TRPM8: variants seen among roughly 807,000 people sequenced by gnomAD.
TRPM8 encodes transient receptor potential cation channel subfamily M member 8.
A neutral mutation model predicts 133.7 loss-of-function variants in TRPM8; 110 were observed. The ratio of observed to expected loss-of-function variants is 0.82; its 90% CI spans 0.70 to 0.96. The LOEUF (loss-of-function observed/expected upper bound fraction) is 0.96. TRPM8 is among the 40% of genes least tolerant of loss of function. The probability of loss-of-function intolerance (pLI) is 0.00; values close to 1 mark genes in which losing one functional copy is unlikely to be tolerated. For synonymous variants in TRPM8, 535 were observed against 532.3 expected (o/e 1.01, Z -0.07); for missense variants, 1,291 against 1,379.5 (o/e 0.94, Z 1.02).
intron 24 of TRPM8, among the ~76,000 whole-genome samples, chr2:234,011,576 A>C (rs28901886): frequency 0.031 from 4,660 of 152,124 alleles, 235 homozygotes; most frequent in African/African-American, 0.11. Context: ...GGCAATATTC[A>C]TTTTTTCAAT....
At position 233,951,022 on chromosome 2, in the gene TRPM8, G is replaced by C. The variant is rs1191352041; in HGVS notation, c.1140+876G>C. 3.3e-5 allele frequency among the ~76,000 whole-genome samples: 5 copies of C among 151,144 alleles called. No individual in the cohort carries two copies. The South Asian group carries it at 6.3e-4, about 19-fold the overall frequency. ...TCAAGACCTGCCTGGACAATGTAGT[G>C]AGACCCCGTCCCTACAAACAAACAA... On this transcript the variant is annotated intron_variant, in intron 9 of 25. Coordinates refer to ENST00000324695, the MANE Select transcript of TRPM8 (RefSeq NM_024080.5).
At chr2:233,966,196 G>C (rs952433430) in intron 14 of TRPM8, 2 of 160,818 alleles carry the variant, frequency 1.2e-5, no homozygotes, top group African/African-American at 4.9e-5. Flanking sequence ...TGCCAAGAAG[G>C]CGTAGAGTTC....
chr2:233,919,067 A>T (rs560744088), intron 1 of TRPM8, among the ~76,000 whole-genome samples: 1 of 151,884 alleles, frequency 6.6e-6, no homozygotes, highest in East Asian at 1.9e-4. Flanking sequence ...TCAGAAAGAG[A>T]CTTAGAACTA....
chr2:233,953,383 A>G (rs1034235015), intron 9 of TRPM8, among the ~76,000 whole-genome samples: 1 of 152,204 alleles, frequency 6.6e-6, no homozygotes, highest in Non-Finnish European at 1.5e-5. Flanking sequence ...AGTGCTTGTA[A>G]CCTTGAAATT....
At chr2:233,954,279 T>G (rs1353093304) in intron 10 of TRPM8, among the ~76,000 whole-genome samples, 1 of 152,228 alleles carries the variant, frequency 6.6e-6, no homozygotes, top group Non-Finnish European at 1.5e-5. Context: ...CAAAGAGCTA[T>G]TTCTAACAGT....
chr2:233,992,650 G>A (rs1692307608), intron 21 of TRPM8, among the ~76,000 whole-genome samples: 1 of 152,178 alleles, frequency 6.6e-6, no homozygotes, highest in Non-Finnish European at 1.5e-5. Context: ...CAGCCAGCTA[G>A]GTGTTTGCCA....
intron 21 of TRPM8, among the ~76,000 whole-genome samples, chr2:233,994,308 T>G (rs1010126253): frequency 6.6e-6 from 1 of 152,218 alleles, no homozygotes; most frequent in African/African-American, 2.4e-5. Context: ...CAAAGCAGCC[T>G]GACCTACATT....
intron 2 of TRPM8, among the ~76,000 whole-genome samples, chr2:233,927,762 C>T (rs866705157): frequency 2.8e-5 from 2 of 71,384 alleles, no homozygotes; most frequent in Non-Finnish European, 4.4e-5. Context: ...TTCTTTCTTT[C>T]TTTCTTTCTT....
chr2:234,002,242 G>A (rs1019616545), intron 22 of TRPM8, among the ~76,000 whole-genome samples: 2 of 151,954 alleles, frequency 1.3e-5, no homozygotes, highest in Non-Finnish European at 2.9e-5. Context: ...GGAGGAGGGA[G>A]TTAAGAGAGG....
chr2:233,973,670 T>A (rs1421086473), intron 17 of TRPM8, among the ~76,000 whole-genome samples: 27 of 152,244 alleles, frequency 1.8e-4, no homozygotes, highest in Admixed American at 1.8e-3. Context: ...CAATTTAACC[T>A]GTAACACCTA....
intron 22 of TRPM8, among the ~76,000 whole-genome samples, chr2:234,002,788 T>A (rs1256283759): frequency 4.6e-5 from 7 of 152,194 alleles, no homozygotes; most frequent in Non-Finnish European, 8.8e-5. Context: ...GTGGTCCTTC[T>A]CTCTGCTTTT....
At chr2:233,918,891 C>T (rs779272255) in intron 1 of TRPM8, among the ~76,000 whole-genome samples, 4 of 152,180 alleles carry the variant, frequency 2.6e-5, no homozygotes, top group Admixed American at 2.6e-4. Flanking sequence ...AAGTGTTATA[C>T]TCACCATTTT....
chr2:233,978,393 C>G (rs1330081584), intron 17 of TRPM8, among the ~76,000 whole-genome samples: 2 of 152,122 alleles, frequency 1.3e-5, no homozygotes, highest in South Asian at 2.1e-4. Context: ...CACTGTATTA[C>G]ATCAAACCTG....
At chr2:233,978,660 T>C (rs923089084) in intron 17 of TRPM8, among the ~76,000 whole-genome samples, 2 of 152,242 alleles carry the variant, frequency 1.3e-5, no homozygotes, top group Non-Finnish European at 2.9e-5. Context: ...ATTCCTTGAA[T>C]GATGGACCAC....
chr2:234,005,498 A>G (rs558165171), intron 22 of TRPM8, among the ~76,000 whole-genome samples: 1 of 152,264 alleles, frequency 6.6e-6, no homozygotes, highest in African/African-American at 2.4e-5. Flanking sequence ...ATTTTGTTTG[A>G]AGAAAAGACA....
chr2:233,947,702 G>A, intron 8 of TRPM8: 2 of 906,640 alleles, frequency 2.2e-6, no homozygotes, highest in Non-Finnish European at 3.1e-6. Flanking sequence ...CAGCCAATCT[G>A]TATGGACTCA....
intron 1 of TRPM8, among the ~76,000 whole-genome samples, chr2:233,920,303 G>T (rs1043943728): frequency 1.3e-5 from 2 of 152,104 alleles, no homozygotes; most frequent in Non-Finnish European, 2.9e-5. Context: ...TTTTACTGAG[G>T]TTATCTCTAT....
intron 1 of TRPM8, among the ~76,000 whole-genome samples, chr2:233,919,495 A>G (rs545004349): frequency 3.9e-5 from 6 of 151,982 alleles, no homozygotes; most frequent in Non-Finnish European, 8.8e-5. Context: ...TGCATCCTCT[A>G]CTTATTAGCT....
At chr2:233,968,998 C>T (rs1559533925) in intron 15 of TRPM8, among the ~76,000 whole-genome samples, 1 of 151,960 alleles carries the variant, frequency 6.6e-6, no homozygotes, top group Non-Finnish European at 1.5e-5. Context: ...GTTGGGGACC[C>T]TACAGGTAGT....
Sources: gnomAD v4.1 joint callset for allele counts (sites outside exome capture counted in the v4.1 genomes callset) on GRCh38, gnomAD v4.1.1 for gene constraint, MANE v1.5 for transcripts, NCBI Gene and HGNC (gene_info 2026-07-23, HGNC 2026-07-21) for gene names.